PCDHGB1: variants seen among roughly 807,000 people sequenced by gnomAD.
The protein encoded by PCDHGB1 is protocadherin gamma subfamily B, 1, also known as protocadherin gamma-B1.
Under a neutral mutation model 56.6 loss-of-function variants are expected in PCDHGB1, and 34 were observed. That is an observed-to-expected ratio of 0.60 (90% CI 0.46 to 0.80). PCDHGB1 has a LOEUF of 0.80. Among genes scored for constraint, PCDHGB1 ranks in the 30% least tolerant of loss-of-function variants. The pLI, the probability that PCDHGB1 is intolerant of heterozygous loss-of-function variation, is 0.00. For synonymous variants in PCDHGB1, 561 were observed against 505.9 expected, an observed-to-expected ratio of 1.11 and a Z score of -1.46; for missense variants, 1,278 against 1,204.6, an observed-to-expected ratio of 1.06 and a Z score of -0.90.
Position 141,393,820 on chromosome 5 carries a change from CG to C in PCDHGB1, c.2409+41153del, listed in dbSNP as rs370400807. Reference sequence around the variant, plus strand: ...CTGGGGAGGACCAAATTGCTCATTTCGGTGGAAGATGTAAATGACAATAGAC... The same window carrying C: ...CTGGGGAGGACCAAATTGCTCATTTCGTGGAAGATGTAAATGACAATAGAC... On this transcript the variant is annotated intron_variant, in intron 1 of 3. Transcript: ENST00000523390. The C allele has an allele frequency of 9.3e-6, 15 of 1,613,800 alleles. No individual in the cohort carries two copies. In the African/African-American group the frequency reaches 9.3e-5, roughly 10 times the overall value.
chr5:141,365,394 C>A (rs1245270195), intron 1 of PCDHGB1: 2 of 1,613,822 alleles, frequency 1.2e-6, no homozygotes, highest in Admixed American at 1.7e-5. Context: ...CTGACCAGTT[C>A]GATCTCTGAA....
Position 141,476,838 on chromosome 5 carries a change from C to T in PCDHGB1, c.2410-17969C>T, listed in dbSNP as rs1347278637. 2.5e-6 allele frequency: 4 copies of T among 1,613,496 alleles called. No individual in the cohort carries two copies. Among genetic ancestry groups the T allele is most frequent in the Non-Finnish European group, 3.4e-6 (4 of 1,180,054 alleles). ...AAGGTGCTGGACGCGAATGACAATG[C>T]GCCTGTCTTCAACCAGTCCTTGTAC... On this transcript the variant is annotated intron_variant, in intron 1 of 3. Transcript: ENST00000523390. This position sits in a 1 kb window ranked among gnomAD's most constrained non-coding sequence, Gnocchi z 7.6.
At chr5:141,455,411 G>T (rs1292246147) in intron 1 of PCDHGB1, among the ~76,000 whole-genome samples, 1 of 152,096 alleles carries the variant, frequency 6.6e-6, no homozygotes, top group Non-Finnish European at 1.5e-5. Context: ...AGAGACAGAG[G>T]GAGCGGGGCT....
intron 1 of PCDHGB1, chr5:141,356,285 C>T: frequency 6.4e-7 from 1 of 1,556,606 alleles, no homozygotes. Context: ...TCTTCTTCCC[C>T]GGGTACAGTA....
At chr5:141,397,255 T>C (rs1471539186) in intron 1 of PCDHGB1, among the ~76,000 whole-genome samples, 2 of 152,214 alleles carry the variant, frequency 1.3e-5, no homozygotes, top group Admixed American at 6.5e-5. Flanking sequence ...GGGTATATCA[T>C]TTCTTAGCTA....
In PCDHGB1 at chr5:141,481,399, T is replaced by G. The variant is rs35677249; in HGVS notation, c.2410-13408T>G. 1.9e-3 allele frequency among the ~76,000 whole-genome samples: 284 copies of G among 152,356 alleles called. 1 individual carries two copies. Among genetic ancestry groups the G allele is most frequent in the Middle Eastern group, 0.01 (3 of 294 alleles). ...TTCTTTTTGGAGGGATGTGACAAAA[T>G]TCTTGTATAATTAGATTGTGATGAT... is the stretch of plus-strand genomic sequence containing the variant. On this transcript the variant is annotated intron_variant, in intron 1 of 3. Transcript: ENST00000523390.
At chr5:141,482,888 A>G (rs1012212528) in intron 1 of PCDHGB1, among the ~76,000 whole-genome samples, 3 of 152,208 alleles carry the variant, frequency 2.0e-5, no homozygotes, top group African/African-American at 7.2e-5. Context: ...CCTGGCCAAC[A>G]TGGTGAAACC....
At chr5:141,374,758 C>A (rs1316048031) in intron 1 of PCDHGB1, 3 of 1,613,200 alleles carry the variant, frequency 1.9e-6, no homozygotes, top group Non-Finnish European at 2.5e-6. Context: ...GCTCAAGCGT[C>A]GCCCAAATTC....
intron 2 of PCDHGB1, among the ~76,000 whole-genome samples, chr5:141,500,216 ATTT>A (rs979396489): frequency 3.1e-4 from 46 of 149,244 alleles, no homozygotes; most frequent in Non-Finnish European, 6.7e-4. Context: ...TTATTTATTT[ATTT>A]ATTTATTGAT....
At chr5:141,410,803 C>A in intron 1 of PCDHGB1, 11 of 409,880 alleles carry the variant, frequency 2.7e-5, no homozygotes, top group East Asian at 1.2e-4. Context: ...GTTGCTCTAT[C>A]TTTTTGTAAA....
In PCDHGB1 at chr5:141,485,429, A is replaced by T. The variant is rs1388904857; in HGVS notation, c.2410-9378A>T. On this transcript the variant is annotated intron_variant, in intron 1 of 3. Transcript: ENST00000523390. This position sits in a 1 kb window ranked among gnomAD's most constrained non-coding sequence, Gnocchi z 5.7. Reference sequence around the variant, plus strand: ...GGATTTGGACAGCGGAGCCCTGCTCATCAAGAACCCAATCGACCGAGAGGC... The same window carrying T: ...GGATTTGGACAGCGGAGCCCTGCTCTTCAAGAACCCAATCGACCGAGAGGC... The T allele has an allele frequency of 6.2e-7, 1 of 1,614,090 alleles. No homozygotes were observed. Among genetic ancestry groups the T allele is most frequent in the Non-Finnish European group, 8.5e-7 (1 of 1,180,052 alleles).
intron 1 of PCDHGB1, chr5:141,422,451 C>A: frequency 6.2e-7 from 1 of 1,611,518 alleles, no homozygotes; most frequent in East Asian, 2.2e-5. Context: ...TGATAACAAG[C>A]AGAGTGCTGG....
At chr5:141,475,934 G>T in intron 1 of PCDHGB1, 1 of 665,236 alleles carries the variant, frequency 1.5e-6, no homozygotes, top group Non-Finnish European at 2.5e-6. Context: ...TCGGGCCCCT[G>T]CCCGTCCCCT....
In PCDHGB1 at chr5:141,417,676, C is replaced by G. The variant is rs902104404; in HGVS notation, c.2409+65007C>G. The G allele has an allele frequency of 1.7e-5, 17 of 993,450 alleles. No individual in the cohort carries two copies. The African/African-American group carries it at 2.8e-4, about 16-fold the overall frequency. The allele number at this position is 993,450 out of a possible 1,614,324, so 61.5% of individuals were successfully genotyped here. ...AGCCTGGGATTCCCTGCGCAGCCAACAACAGAAAAGAAAACCAGCTCCCAC... is the reference window on the plus strand; with the variant it reads ...AGCCTGGGATTCCCTGCGCAGCCAAGAACAGAAAAGAAAACCAGCTCCCAC... On this transcript the variant is annotated intron_variant, in intron 1 of 3. Transcript: ENST00000523390.
chr5:141,364,399 G>C (rs747286948), intron 1 of PCDHGB1: 2 of 1,607,328 alleles, frequency 1.2e-6, no homozygotes, highest in Non-Finnish European at 1.7e-6. Flanking sequence ...TGGGGACGCT[G>C]TGCGAGCCAG....
At chr5:141,380,410 C>T (rs1776475585) in intron 1 of PCDHGB1, among the ~76,000 whole-genome samples, 1 of 151,998 alleles carries the variant, frequency 6.6e-6, no homozygotes, top group Non-Finnish European at 1.5e-5. Flanking sequence ...AATTCGATGC[C>T]CAGGAAGCCA....
chr5:141,351,833 G>A lies in PCDHGB1; in HGVS notation c.1573G>A (p.Glu525Lys). ...AFDHEQLRAF[E>K]LTLQARDQGS... ...CGACCACGAGCAGCTGCGCGCCTTC[G>A]AGCTCACACTGCAGGCCAGGGACCA... Residue 525 changes from glutamate (E) to lysine (K), a missense_variant, in exon 1 of 4, where the codon GAG (glutamate) becomes AAG (lysine). Coordinates refer to ENST00000523390, the MANE Select transcript of PCDHGB1 (RefSeq NM_018922.3). 2 of 1,613,230 alleles carry A rather than the reference G, an allele frequency of 1.2e-6. No homozygotes were observed. Among genetic ancestry groups the A allele is most frequent in the Non-Finnish European group, 1.7e-6 (2 of 1,179,800 alleles).
In PCDHGB1 at chr5:141,390,150, C is replaced by A. The variant is rs768850867; in HGVS notation, c.2409+37481C>A. The A allele has an allele frequency of 3.7e-6, 6 of 1,613,916 alleles. No homozygotes were observed. The African/African-American group carries it at 8.0e-5, about 22-fold the overall frequency. On this transcript the variant is annotated intron_variant, in intron 1 of 3. Transcript: ENST00000523390. ...TTATTCCTACAATCTATGTGTTGCA[C>A]ATACAGGAAAGACGGAGTTTAATTT...
intron 1 of PCDHGB1, chr5:141,372,557 C>A: frequency 6.2e-7 from 1 of 1,614,048 alleles, no homozygotes; most frequent in Non-Finnish European, 8.5e-7. Flanking sequence ...CCTCCAGACC[C>A]GCCACTGAGG....
Sources: allele counts gnomAD v4.1 joint callset (sites outside exome capture counted in the v4.1 genomes callset), GRCh38; gene constraint gnomAD v4.1.1; non-coding constraint Gnocchi (gnomAD v3.1); transcripts MANE v1.5; gene names NCBI Gene and HGNC (gene_info 2026-07-23, HGNC 2026-07-21).